Variants in HS3ST4 observed in about 807,000 individuals in gnomAD.
HS3ST4 encodes heparan sulfate-glucosamine 3-sulfotransferase 4.
Under a neutral mutation model 29.2 loss-of-function variants are expected in HS3ST4, and 17 were observed. The observed-to-expected ratio is 0.58, with a 90% CI of 0.40 to 0.87. The LOEUF is 0.87. Among genes scored for constraint, HS3ST4 ranks in the 40% least tolerant of loss-of-function variants. HS3ST4 has a pLI of 0.00. For missense variants in HS3ST4, 627 were observed against 634.5 expected, an observed-to-expected ratio of 0.99 and a Z score of 0.13; for synonymous variants, 314 against 285.7, an observed-to-expected ratio of 1.10 and a Z score of -1.00.
intron 1 of HS3ST4, among the ~76,000 whole-genome samples, chr16:25,723,646 A>G (rs1433318591): frequency 1.3e-5 from 2 of 152,186 alleles, no homozygotes; most frequent in African/African-American, 4.8e-5. Flanking sequence ...ACAATTTTTT[A>G]TCTCTTTTAC....
chr16:25,707,298 TGA>T (rs942333157), intron 1 of HS3ST4, among the ~76,000 whole-genome samples: 1 of 152,196 alleles, frequency 6.6e-6, no homozygotes, highest in Admixed American at 6.6e-5. Context: ...TAAAATATTT[TGA>T]GAGAGAGACC....
chr16:25,947,377 C>A (rs996787182), intron 1 of HS3ST4, among the ~76,000 whole-genome samples: 1 of 152,148 alleles, frequency 6.6e-6, no homozygotes, highest in Non-Finnish European at 1.5e-5. Context: ...TGTGTAACAA[C>A]CCCCTCCGCA....
intron 1 of HS3ST4, among the ~76,000 whole-genome samples, chr16:26,102,166 C>A (rs921688811): frequency 2.6e-5 from 4 of 152,040 alleles, no homozygotes; most frequent in African/African-American, 9.7e-5. Flanking sequence ...ATAAAAAAAA[C>A]ACAACATTAA....
At chr16:25,885,895 G>A (rs981986088) in intron 1 of HS3ST4, among the ~76,000 whole-genome samples, 1 of 151,852 alleles carries the variant, frequency 6.6e-6, no homozygotes, top group African/African-American at 2.4e-5. Flanking sequence ...ACTTTCTTTT[G>A]CCTGTCCAAC....
chr16:26,009,472 G>T (rs1438549471), intron 1 of HS3ST4, among the ~76,000 whole-genome samples: 1 of 152,192 alleles, frequency 6.6e-6, no homozygotes, highest in East Asian at 1.9e-4. Flanking sequence ...TATCAGTCAG[G>T]ATAGGCTAGC....
intron 1 of HS3ST4, among the ~76,000 whole-genome samples, chr16:25,979,825 TCTC>T (rs1968985894): frequency 6.6e-6 from 1 of 152,152 alleles, no homozygotes; most frequent in Non-Finnish European, 1.5e-5. Context: ...CCTGGGCACT[TCTC>T]CTCTCCTTGC....
intron 1 of HS3ST4, among the ~76,000 whole-genome samples, chr16:25,857,124 G>T (rs948049235): frequency 3.9e-5 from 6 of 152,270 alleles, no homozygotes; most frequent in Non-Finnish European, 8.8e-5. Context: ...GGGGGCCTTA[G>T]GAGTTGCTCA....
intron 1 of HS3ST4, among the ~76,000 whole-genome samples, chr16:26,034,678 T>A: frequency 1.5e-5 from 2 of 133,880 alleles, no homozygotes; most frequent in African/African-American, 5.7e-5. Flanking sequence ...CGGGGGGGGG[T>A]CTCACCAGCA....
intron 1 of HS3ST4, among the ~76,000 whole-genome samples, chr16:26,042,736 A>G (rs1289837704): frequency 6.6e-6 from 1 of 152,158 alleles, no homozygotes; most frequent in African/African-American, 2.4e-5. Flanking sequence ...TGTTCAGTGT[A>G]GATCTGCAGT....
intron 1 of HS3ST4, among the ~76,000 whole-genome samples, chr16:25,981,164 C>T (rs1373655355): frequency 6.6e-6 from 1 of 152,020 alleles, no homozygotes; most frequent in African/African-American, 2.4e-5. Flanking sequence ...TTGAGACCAG[C>T]CTGGCCAACA....
In HS3ST4 at chr16:26,036,207, A is replaced by C. The variant is rs112952798; in HGVS notation, c.735-99405A>C. ...GTACCAACTTTATTTCAGCCCCATTAAGATAACACTGGCTGGTGAGGCCAA... is the reference window on the plus strand; with the variant it reads ...GTACCAACTTTATTTCAGCCCCATTCAGATAACACTGGCTGGTGAGGCCAA... On this transcript the variant is annotated intron_variant, in intron 1 of 1. Transcript: ENST00000331351. 3.7e-3 allele frequency among the ~76,000 whole-genome samples: 562 copies of C among 152,312 alleles called. 2 individuals are homozygous for C. Among genetic ancestry groups the C allele is most frequent in the African/African-American group, 0.013 (541 of 41,560 alleles).
intron 1 of HS3ST4, among the ~76,000 whole-genome samples, chr16:25,817,841 G>A (rs956162157): frequency 2.0e-5 from 3 of 152,176 alleles, no homozygotes; most frequent in Non-Finnish European, 4.4e-5. Flanking sequence ...TCTGTGGCTA[G>A]GGATATAGAT....
At chr16:25,781,471 G>A (rs893860571) in intron 1 of HS3ST4, among the ~76,000 whole-genome samples, 6 of 152,070 alleles carry the variant, frequency 3.9e-5, no homozygotes, top group Admixed American at 1.3e-4. Context: ...CCGAGGTTTC[G>A]ATTCTCTTCA....
intron 1 of HS3ST4, among the ~76,000 whole-genome samples, chr16:25,856,722 C>A (rs1247323556): frequency 6.6e-6 from 1 of 152,224 alleles, no homozygotes; most frequent in East Asian, 1.9e-4. Context: ...GCATTCAAAG[C>A]AGTCCTGAAC....
chr16:26,036,182 G>A (rs1969581221), intron 1 of HS3ST4, among the ~76,000 whole-genome samples: 1 of 152,236 alleles, frequency 6.6e-6, no homozygotes, highest in Non-Finnish European at 1.5e-5. Flanking sequence ...CAGGACATGT[G>A]TACCAACTTT....
intron 1 of HS3ST4, among the ~76,000 whole-genome samples, chr16:26,014,606 G>A (rs542205713): frequency 3.9e-5 from 6 of 152,238 alleles, no homozygotes; most frequent in Admixed American, 3.3e-4. Flanking sequence ...TTCATTTTCT[G>A]CTCCTACTTT....
At chr16:25,972,957 T>A (rs1290797613) in intron 1 of HS3ST4, among the ~76,000 whole-genome samples, 1 of 152,220 alleles carries the variant, frequency 6.6e-6, no homozygotes, top group East Asian at 1.9e-4. Context: ...CAGCAAATAT[T>A]TATTGAGTTT....
intron 1 of HS3ST4, among the ~76,000 whole-genome samples, chr16:26,051,083 G>C (rs1487569314): frequency 6.6e-6 from 1 of 152,164 alleles, no homozygotes; most frequent in Non-Finnish European, 1.5e-5. Context: ...GATTAATACA[G>C]TGCAGACCCT....
At chr16:26,113,694 G>A (rs929316865) in intron 1 of HS3ST4, among the ~76,000 whole-genome samples, 1 of 151,984 alleles carries the variant, frequency 6.6e-6, no homozygotes, top group Non-Finnish European at 1.5e-5. Context: ...AATTGTCAAT[G>A]TGCTATTCTT....
Sources: allele counts gnomAD v4.1 joint callset (sites outside exome capture counted in the v4.1 genomes callset), GRCh38; gene constraint gnomAD v4.1.1; transcripts MANE v1.5; gene names NCBI Gene and HGNC (gene_info 2026-07-23, HGNC 2026-07-21).